EPHA5: variants seen among roughly 807,000 people sequenced by gnomAD.
EPHA5 encodes EPH receptor A5.
Under a neutral mutation model 105.0 loss-of-function variants are expected in EPHA5, and 60 were observed. That is an observed-to-expected ratio of 0.57 (90% CI 0.46 to 0.71). EPHA5 has a LOEUF of 0.71. EPHA5 is among the 30% of genes least tolerant of loss of function. The pLI, the probability that EPHA5 is intolerant of heterozygous loss-of-function variation, is 0.00. For synonymous variants in EPHA5, 513 were observed against 449.1 expected (o/e 1.14, Z -1.80); for missense variants, 1,218 against 1,274.7 (o/e 0.96, Z 0.68).
chr4:65,593,390 T>G lies in EPHA5; in HGVS notation c.910+8251A>C, dbSNP rs1308243497. On this transcript the variant is annotated intron_variant, in intron 3 of 16. Transcript: ENST00000613740. ...CCTTATATACTAACACGGTCCTAAT[T>G]TATCTGTACCTAAGTATCCCAATCT... Among the ~76,000 whole-genome samples, 127 of 152,252 alleles carry G rather than the reference T, an allele frequency of 8.3e-4. 2 individuals are homozygous for G. Among genetic ancestry groups the G allele is most frequent in the Non-Finnish European group, 1.0e-4 (7 of 68,024 alleles).
intron 11 of EPHA5, among the ~76,000 whole-genome samples, chr4:65,354,429 A>G (rs1723109972): frequency 6.6e-6 from 1 of 151,770 alleles, no homozygotes; most frequent in Non-Finnish European, 1.5e-5. Flanking sequence ...CATTTTCACT[A>G]TATTTTAAGA....
At chr4:65,420,134 G>A (rs1005321018) in intron 6 of EPHA5, among the ~76,000 whole-genome samples, 1 of 152,122 alleles carries the variant, frequency 6.6e-6, no homozygotes, top group African/African-American at 2.4e-5. Flanking sequence ...ACTACTGAAA[G>A]TCTATAGCTT....
At chr4:65,464,435 C>T (rs1462717241) in intron 5 of EPHA5, among the ~76,000 whole-genome samples, 1 of 152,064 alleles carries the variant, frequency 6.6e-6, no homozygotes, top group South Asian at 2.1e-4. Context: ...TTAAGGCACT[C>T]AATTAACCTA....
At chr4:65,434,979 A>G (rs1725339922) in intron 5 of EPHA5, among the ~76,000 whole-genome samples, 1 of 152,138 alleles carries the variant, frequency 6.6e-6, no homozygotes, top group African/African-American at 2.4e-5. Context: ...TACATAGGAG[A>G]CACCACAGAA....
chr4:65,349,294 GA>G (rs887428383), intron 13 of EPHA5, among the ~76,000 whole-genome samples: 1 of 151,758 alleles, frequency 6.6e-6, no homozygotes, highest in Non-Finnish European at 1.5e-5. Flanking sequence ...TGGATTGGGG[GA>G]AAATCTTACT....
chr4:65,448,735 A>G (rs950786397), intron 5 of EPHA5, among the ~76,000 whole-genome samples: 6 of 152,166 alleles, frequency 3.9e-5, no homozygotes, highest in African/African-American at 1.4e-4. Context: ...TGGAGAAACT[A>G]GAGAAAGAGC....
chr4:65,386,160 G>A (rs1456674749), intron 8 of EPHA5, among the ~76,000 whole-genome samples: 1 of 151,876 alleles, frequency 6.6e-6, no homozygotes, highest in East Asian at 1.9e-4. Context: ...TCTGTTCTGT[G>A]AAGTGCTACA....
chr4:65,572,534 A>T (rs762619642), intron 3 of EPHA5, among the ~76,000 whole-genome samples: 3 of 152,216 alleles, frequency 2.0e-5, no homozygotes, highest in Non-Finnish European at 4.4e-5. Flanking sequence ...CAAAAGACAC[A>T]CATCAATTTT....
chr4:65,522,122 T>C (rs904666523), intron 3 of EPHA5, among the ~76,000 whole-genome samples: 1 of 151,914 alleles, frequency 6.6e-6, no homozygotes, highest in Non-Finnish European at 1.5e-5. Flanking sequence ...CCAGAAGTGT[T>C]GGAAAGTCTA....
intron 5 of EPHA5, among the ~76,000 whole-genome samples, chr4:65,433,986 C>T (rs549661783): frequency 2.0e-5 from 3 of 152,236 alleles, no homozygotes; most frequent in South Asian, 2.1e-4. Context: ...ACCCGGGAGG[C>T]GGAAGTTGCA....
rs758755197 is a variant in EPHA5 at position 65,669,643 on chromosome 4, C to G, written c.100G>C (p.Ala34Pro). The change falls in exon 1 of 17, where the codon GCA becomes CCA. Residue 34 changes from alanine to proline, a missense_variant. By Grantham distance (27) the Ala-to-Pro change is conservative. Around this residue, in one of 3 missense-constraint regions of EPHA5, gnomAD observed 233 missense variants for 227.5 expected, o/e 1.02. Coordinates refer to ENST00000613740, the MANE Select transcript of EPHA5 (RefSeq NM_001281766.3). ...GTCCAGAGGGGAGCCCGTCGAGGTG[C>G]AGAGTAGCAGCCGGCCAGGGACGCT... ...TPASLAGCYS[A>P]PRRAPLWTCL... 7.1e-7 allele frequency: 1 copy of G among 1,400,060 alleles called. No homozygotes were observed. The highest frequency in any genetic ancestry group is 9.3e-7 in the Non-Finnish European group (1 of 1,071,776). The allele number at this position is 1,400,060 out of a possible 1,614,324, so 86.7% of individuals were successfully genotyped here. A position where few individuals can be genotyped will look rare whatever the true frequency, so the allele number is the denominator to read the frequency against.
chr4:65,327,433 T>A (rs1161417450), intron 16 of EPHA5, among the ~76,000 whole-genome samples: 1 of 151,082 alleles, frequency 6.6e-6, no homozygotes, highest in Admixed American at 6.6e-5. Flanking sequence ...CCTAAACCCA[T>A]CTCCCCAGCG....
At chr4:65,577,727 A>G (rs1741203537) in intron 3 of EPHA5, among the ~76,000 whole-genome samples, 1 of 152,178 alleles carries the variant, frequency 6.6e-6, no homozygotes, top group Non-Finnish European at 1.5e-5. Flanking sequence ...CAGAAATGCC[A>G]CTAATGACCC....
chr4:65,328,696 A>G (rs1720314666), intron 16 of EPHA5, among the ~76,000 whole-genome samples: 2 of 151,086 alleles, frequency 1.3e-5, no homozygotes, highest in African/African-American at 2.4e-5. Context: ...AATGATATAG[A>G]CATTGTACAG....
chr4:65,362,763 G>A lies in EPHA5; in HGVS notation c.2173+2254C>T, dbSNP rs191643033. 8.3e-4 allele frequency among the ~76,000 whole-genome samples: 126 copies of A among 151,660 alleles called. 2 individuals are homozygous for A. Among genetic ancestry groups the A allele is most frequent in the African/African-American group, 2.9e-3 (122 of 41,474 alleles). On this transcript the variant is annotated intron_variant, in intron 11 of 16. Transcript: ENST00000613740. ...AGTTGTCTTAAGTTATCTCAATCAG[G>A]ATCTGTTCAAATAAACAAGTTTTGT...
chr4:65,369,701 C>T (rs988632628), intron 8 of EPHA5, among the ~76,000 whole-genome samples: 1 of 152,140 alleles, frequency 6.6e-6, no homozygotes, highest in Non-Finnish European at 1.5e-5. Context: ...GGCGTGGTGG[C>T]TCACGCTTGT....
intron 5 of EPHA5, among the ~76,000 whole-genome samples, chr4:65,451,003 T>G (rs563126141): frequency 3.0e-4 from 45 of 152,270 alleles, no homozygotes; most frequent in Admixed American, 2.1e-3. Context: ...GACTAATTCT[T>G]GGAACTTGAA....
At chr4:65,500,048 GAACA>G (rs931948659) in intron 3 of EPHA5, among the ~76,000 whole-genome samples, 10 of 150,738 alleles carry the variant, frequency 6.6e-5, no homozygotes, top group Non-Finnish European at 1.5e-4. Flanking sequence ...TAATAATAAT[GAACA>G]AACAATGATA....
chr4:65,568,809 C>T (rs1012929725), intron 3 of EPHA5, among the ~76,000 whole-genome samples: 15 of 150,960 alleles, frequency 9.9e-5, no homozygotes, highest in African/African-American at 1.9e-4. Flanking sequence ...CTATCTTCAA[C>T]GAATTTTCCA....
Sources: gnomAD v4.1 joint callset for allele counts (sites outside exome capture counted in the v4.1 genomes callset) on GRCh38, gnomAD v4.1.1 for gene constraint, gnomAD v4.1.1 regional missense constraint, MANE v1.5 for transcripts, NCBI Gene and HGNC (gene_info 2026-07-23, HGNC 2026-07-21) for gene names.